Variants in NPNT observed in about 807,000 individuals in gnomAD.
NPNT encodes the protein nephronectin.
In NPNT, 45 loss-of-function variants were observed where a neutral mutation model predicts 68.6. The ratio of observed to expected loss-of-function variants is 0.66; its 90% CI spans 0.52 to 0.84. The LOEUF is 0.84. NPNT is among the 40% of genes least tolerant of loss of function. The pLI is 0.00. For missense variants in NPNT, 672 were observed against 714.8 expected, an observed-to-expected ratio of 0.94 and a Z score of 0.68; for synonymous variants, 233 against 253.3, an observed-to-expected ratio of 0.92 and a Z score of 0.76.
At chr4:105,938,094 TAATC>T (rs1173376809) in intron 4 of NPNT, among the ~76,000 whole-genome samples, 1 of 152,222 alleles carries the variant, frequency 6.6e-6, no homozygotes, top group Non-Finnish European at 1.5e-5. Context: ...AATTTCCAGA[TAATC>T]TATATATGAT....
At chr4:105,948,571 A>C (rs1415726315) in intron 8 of NPNT, among the ~76,000 whole-genome samples, 1 of 152,182 alleles carries the variant, frequency 6.6e-6, no homozygotes, top group African/African-American at 2.4e-5. Flanking sequence ...TTATCACTGT[A>C]AATAACCTTG....
chr4:105,927,501 C>A, intron 3 of NPNT, 73 bp downstream of exon 3: 3 of 842,804 alleles, frequency 3.6e-6, no homozygotes, highest in East Asian at 2.8e-5. Context: ...ATATTCTTAT[C>A]TCAAACTACT....
At chr4:105,901,702 G>T (rs977740180) in intron 2 of NPNT, among the ~76,000 whole-genome samples, 1 of 152,196 alleles carries the variant, frequency 6.6e-6, no homozygotes, top group African/African-American at 2.4e-5. Flanking sequence ...ATTTTGGAAA[G>T]ATGTGAAACC....
intron 2 of NPNT, among the ~76,000 whole-genome samples, chr4:105,907,887 A>G (rs1727041410): frequency 6.6e-6 from 1 of 152,164 alleles, no homozygotes; most frequent in African/African-American, 2.4e-5. Flanking sequence ...TCCTAATAAA[A>G]TTTCTAATAA....
At chr4:105,965,426 A>T (rs1014655480) in intron 10 of NPNT, among the ~76,000 whole-genome samples, 3 of 151,968 alleles carry the variant, frequency 2.0e-5, no homozygotes, top group Non-Finnish European at 4.4e-5. Flanking sequence ...CAGAGGAAGA[A>T]CAATCATAAC....
At chr4:105,922,230 G>T (rs960019497) in intron 2 of NPNT, among the ~76,000 whole-genome samples, 2 of 151,662 alleles carry the variant, frequency 1.3e-5, no homozygotes, top group Non-Finnish European at 2.9e-5. Context: ...TCAAATGTTG[G>T]CACTTTACTC....
At chr4:105,923,245 G>T (rs1273058419) in intron 2 of NPNT, among the ~76,000 whole-genome samples, 1 of 152,132 alleles carries the variant, frequency 6.6e-6, no homozygotes, top group Non-Finnish European at 1.5e-5. Context: ...ACAGAGGTTG[G>T]GAATTATTTT....
chr4:105,940,365 T>A, intron 6 of NPNT, 149 bp from the exon 7 acceptor site: 1 of 1,016,166 alleles, frequency 9.8e-7, no homozygotes, highest in African/African-American at 1.6e-5. Context: ...GTTCTCAGTC[T>A]ACATGTAGTT....
chr4:105,911,725 A>G (rs1442319523), intron 2 of NPNT: 2 of 172,696 alleles, frequency 1.2e-5, no homozygotes, highest in Non-Finnish European at 1.2e-5. Flanking sequence ...ACAGTATGTA[A>G]GAAACAGGTA....
At chr4:105,896,100 T>G in intron 1 of NPNT, 4 of 222,096 alleles carry the variant, frequency 1.8e-5, no homozygotes, top group Non-Finnish European at 3.6e-5. Flanking sequence ...GCGCCTGAAC[T>G]AGACGGCTCT....
chr4:105,928,693 G>GATA (rs1728879567), intron 3 of NPNT, among the ~76,000 whole-genome samples: 1 of 150,438 alleles, frequency 6.6e-6, no homozygotes, highest in South Asian at 2.1e-4. Context: ...TCACTAAATA[G>GATA]ATAAGTGTCA....
At chr4:105,924,119 C>T (rs1344762361) in intron 2 of NPNT, among the ~76,000 whole-genome samples, 1 of 151,814 alleles carries the variant, frequency 6.6e-6, no homozygotes, top group African/African-American at 2.4e-5. Flanking sequence ...CACACTGCCT[C>T]TAACACACCA....
Position 105,959,528 on chromosome 4 carries a change from T to C in NPNT, c.1345+402T>C, listed in dbSNP as rs570222767. On this transcript the variant is annotated intron_variant, in intron 10 of 11. Coordinates refer to ENST00000379987, the MANE Select transcript of NPNT (RefSeq NM_001033047.3). Reference sequence around the variant, plus strand: ...TTTTTCTTTGTTTTTCTTTTCTTTTTTTTTTTTTTTTAAGATTTGAGTGGT... The same window carrying C: ...TTTTTCTTTGTTTTTCTTTTCTTTTCTTTTTTTTTTTAAGATTTGAGTGGT... Among the ~76,000 whole-genome samples, 281 of 150,490 alleles carry C rather than the reference T, an allele frequency of 1.9e-3. 1 individual carries two copies. The highest frequency in any genetic ancestry group is 2.1e-3 in the Non-Finnish European group (144 of 67,238).
chr4:105,924,341 TG>T (rs1728516082), intron 2 of NPNT, among the ~76,000 whole-genome samples: 1 of 152,244 alleles, frequency 6.6e-6, no homozygotes, highest in Non-Finnish European at 1.5e-5. Flanking sequence ...CCAGAACTAA[TG>T]CCAGCAAGAT....
Position 105,942,701 on chromosome 4 carries a change from C to T in NPNT, c.1158C>T (p.Phe386=), listed in dbSNP as rs1333294320. 1 of 1,600,616 alleles carries T rather than the reference C, an allele frequency of 6.2e-7. No homozygotes were observed. The highest frequency in any genetic ancestry group is 1.3e-5 in the African/African-American group (1 of 74,320). ...CTCAGAAACCCAGAGGAGATGTGTT[C>T]AGTAAGTCTAATAAATGTTAGCACA... ...TDPQKPRGDV[F]IPRQPSNDLF... Residue 386 remains phenylalanine (F), a splice_region_variant and synonymous_variant, in exon 8 of 12, where the codon TTC becomes TTT. Coordinates refer to ENST00000379987, the MANE Select transcript of NPNT (RefSeq NM_001033047.3).
In NPNT at chr4:105,970,517, G is replaced by A. The variant is rs1732492015; in HGVS notation, c.*1527G>A. The A allele has an allele frequency of 1.5e-6, 1 of 686,404 alleles. No homozygotes were observed. The highest frequency in any genetic ancestry group is 1.8e-5 in the African/African-American group (1 of 57,012). The allele number at this position is 686,404 out of a possible 1,614,324, so 42.5% of individuals were successfully genotyped here. On this transcript the variant is annotated 3_prime_UTR_variant, in exon 12 of 12. Transcript: ENST00000379987. The stretch of plus-strand genomic sequence containing the variant: ...ATGGTTTTCAAGTATATGAAGGGTT[G>A]GCACAGAGAGGGTGGCGACCAGCTG...
At chr4:105,949,406 G>A (rs938217981) in intron 8 of NPNT, among the ~76,000 whole-genome samples, 5 of 152,130 alleles carry the variant, frequency 3.3e-5, no homozygotes, top group Admixed American at 2.0e-4. Flanking sequence ...GTTAGCTCTC[G>A]TTGCCTGGTT....
At chr4:105,963,988 C>G (rs149568088) in intron 10 of NPNT, among the ~76,000 whole-genome samples, 2 of 151,954 alleles carry the variant, frequency 1.3e-5, no homozygotes, top group African/African-American at 4.8e-5. Flanking sequence ...CTTATCGATA[C>G]TACCTTAAGA....
At chr4:105,936,439 A>G (rs1216610842) in intron 3 of NPNT, among the ~76,000 whole-genome samples, 1 of 51,768 alleles carries the variant, frequency 1.9e-5, no homozygotes, top group Non-Finnish European at 4.8e-5. Flanking sequence ...TAGCCTATGT[A>G]GCCTTCCTTT....
Sources: gnomAD v4.1 joint callset for allele counts (sites outside exome capture counted in the v4.1 genomes callset) on GRCh38, gnomAD v4.1.1 for gene constraint, MANE v1.5 for transcripts, NCBI Gene and HGNC (gene_info 2026-07-23, HGNC 2026-07-21) for gene names.